Variants in HSDL2 observed in about 807,000 individuals in gnomAD.
HSDL2 encodes hydroxysteroid dehydrogenase like 2.
A neutral mutation model predicts 46.3 loss-of-function variants in HSDL2; 27 were observed. The observed-to-expected ratio is 0.58, with a 90% CI of 0.43 to 0.80. HSDL2 has a LOEUF of 0.80. HSDL2 is among the 30% of genes least tolerant of loss of function. The pLI, the probability that HSDL2 is intolerant of heterozygous loss-of-function variation, is 0.00. For synonymous variants in HSDL2, 153 were observed against 163.6 expected (o/e 0.94, Z 0.50); for missense variants, 451 against 502.7 (o/e 0.90, Z 0.98).
At chr9:112,440,548 A>G (rs577088842) in intron 7 of HSDL2, among the ~76,000 whole-genome samples, 3 of 152,146 alleles carry the variant, frequency 2.0e-5, no homozygotes, top group African/African-American at 7.2e-5. Context: ...CAGTTAACCT[A>G]TTTGCTAACC....
chr9:112,454,336 G>A (rs1318004438), intron 9 of HSDL2, among the ~76,000 whole-genome samples, 174 bp downstream of exon 9: 1 of 152,150 alleles, frequency 6.6e-6, no homozygotes, highest in South Asian at 2.1e-4. Context: ...TGTTTTTGTT[G>A]TTGTTGTGTC....
Position 112,393,150 on chromosome 9 carries a change from T to G in HSDL2, c.18-10845T>G, listed in dbSNP as rs1468250296. On this transcript the variant is annotated intron_variant, in intron 1 of 10. Coordinates refer to ENST00000398805, the MANE Select transcript of HSDL2 (RefSeq NM_032303.5). Reference sequence around the variant, plus strand: ...TACTACAGTGGAGCCCCCAATAGACTTAATCCAAGTCGTGGGGTTTAGTCC... The same window carrying G: ...TACTACAGTGGAGCCCCCAATAGACGTAATCCAAGTCGTGGGGTTTAGTCC... Among the ~76,000 whole-genome samples, 4 of 152,228 alleles carry G rather than the reference T, an allele frequency of 2.6e-5. No individual in the cohort carries two copies. The East Asian group carries it at 7.7e-4, about 29-fold the overall frequency.
chr9:112,384,320 T>A (rs777398908), intron 1 of HSDL2, among the ~76,000 whole-genome samples: 1 of 152,082 alleles, frequency 6.6e-6, no homozygotes, highest in Non-Finnish European at 1.5e-5. Context: ...TGCTCTTGCC[T>A]TCTATATTCT....
chr9:112,458,320 C>T (rs10981413), intron 9 of HSDL2, among the ~76,000 whole-genome samples: 11 of 119,612 alleles, frequency 9.2e-5, no homozygotes, highest in Non-Finnish European at 1.3e-4. Context: ...ACCACTTCTT[C>T]TTTTTTTTTT....
chr9:112,454,296 A>T, intron 9 of HSDL2, 134 bp downstream of exon 9: 1 of 642,452 alleles, frequency 1.6e-6, no homozygotes, highest in Non-Finnish European at 2.6e-6. Flanking sequence ...GAATGTAGAC[A>T]TTCAAGAACA....
Position 112,410,820 on chromosome 9 carries a change from T to C in HSDL2, c.395+1799T>C, listed in dbSNP as rs914456611. On this transcript the variant is annotated intron_variant, in intron 4 of 10. Transcript: ENST00000398805. ...CACACGTGCCTGTAGTCCCAGCTAC[T>C]TAGGAAGCTGAAGTGGGGGGATTGT... 3.6e-4 allele frequency among the ~76,000 whole-genome samples: 55 copies of C among 152,094 alleles called. 1 individual carries two copies. Among genetic ancestry groups the C allele is most frequent in the African/African-American group, 1.3e-3 (53 of 41,408 alleles).
At chr9:112,425,842 C>T (rs1009572902) in intron 6 of HSDL2, among the ~76,000 whole-genome samples, 2 of 152,060 alleles carry the variant, frequency 1.3e-5, no homozygotes, top group African/African-American at 4.8e-5. Context: ...ATCTTCCTGC[C>T]TCAACCTCCT....
In HSDL2 at chr9:112,409,030, G is replaced by T; in HGVS notation, c.395+9G>T. 1 of 1,487,504 alleles carries T rather than the reference G, an allele frequency of 6.7e-7. No homozygotes were observed. Among genetic ancestry groups the T allele is most frequent in the African/African-American group, 1.4e-5 (1 of 71,872 alleles). 92.1% of individuals were successfully genotyped at this position (1,487,504 alleles called of 1,614,324 possible). On this transcript the variant is annotated intron_variant, in intron 4 of 10. Transcript: ENST00000398805. The stretch of plus-strand genomic sequence containing the variant: ...AGAGGCACCTACCTTGCGTAAGTTT[G>T]CAAGAAGAGTTGTTGGGGAGGAAGT...
chr9:112,408,853 T>G, intron 3 of HSDL2, 54 bp from the exon 4 acceptor site: 7 of 945,840 alleles, frequency 7.4e-6, no homozygotes, highest in East Asian at 2.5e-5. Flanking sequence ...AACGCTTTTT[T>G]TGTGTGTGAT....
intron 1 of HSDL2, among the ~76,000 whole-genome samples, chr9:112,386,761 C>T (rs759414395): frequency 3.9e-5 from 6 of 152,016 alleles, no homozygotes; most frequent in South Asian, 2.1e-4. Context: ...CCAGCCTGGG[C>T]GACAAAGGGA....
rs751942317 is a variant in HSDL2 at position 112,457,074 on chromosome 9, G to A, written c.1016-2375G>A. ...GAGGCAGGAGAATCGCTTGAACCCC[G>A]GAGGCGGAGGTTGCGGTGAGCCCAG... On this transcript the variant is annotated intron_variant, in intron 9 of 10. Coordinates refer to ENST00000398805, the MANE Select transcript of HSDL2 (RefSeq NM_032303.5). Among the ~76,000 whole-genome samples the A allele has an allele frequency of 3.3e-5, 5 of 152,098 alleles. No homozygotes were observed. The South Asian group carries it at 6.2e-4, about 19-fold the overall frequency.
At chr9:112,388,147 A>C (rs1831256790) in intron 1 of HSDL2, among the ~76,000 whole-genome samples, 1 of 151,446 alleles carries the variant, frequency 6.6e-6, no homozygotes, top group Non-Finnish European at 1.5e-5. Flanking sequence ...TGACAGGGCA[A>C]GAGCCTGTCT....
At chr9:112,416,260 A>C (rs1587942177) in intron 4 of HSDL2, among the ~76,000 whole-genome samples, 1 of 151,876 alleles carries the variant, frequency 6.6e-6, no homozygotes, top group East Asian at 1.9e-4. Context: ...AAGAAAAAAA[A>C]AATTACAAAA....
intron 7 of HSDL2, among the ~76,000 whole-genome samples, chr9:112,438,996 G>A (rs1385932732): frequency 1.3e-5 from 2 of 152,052 alleles, no homozygotes; most frequent in Non-Finnish European, 2.9e-5. Context: ...ACAGTAGTGG[G>A]TTATGTATTT....
intron 3 of HSDL2, 97 bp downstream of exon 3, chr9:112,405,819 T>G (rs1331167211): frequency 1.3e-6 from 1 of 767,884 alleles, no homozygotes; most frequent in Non-Finnish European, 2.1e-6. Context: ...TTGAATTTTC[T>G]GAGTCTTTGG....
chr9:112,465,090 T>TA (rs58402087), intron 10 of HSDL2, among the ~76,000 whole-genome samples: 1 of 152,178 alleles, frequency 6.6e-6, no homozygotes. Flanking sequence ...CATAACCTTT[T>TA]AAAAAATAAA....
chr9:112,464,415 GTT>G (rs1833315552), intron 10 of HSDL2, among the ~76,000 whole-genome samples: 1 of 151,948 alleles, frequency 6.6e-6, no homozygotes, highest in African/African-American at 2.4e-5. Context: ...AAGTTGTTTT[GTT>G]TTGATCAAGT....
intron 1 of HSDL2, among the ~76,000 whole-genome samples, chr9:112,399,217 A>T (rs189608174): frequency 3.9e-5 from 6 of 152,354 alleles, no homozygotes; most frequent in African/African-American, 7.2e-5. Flanking sequence ...GGGTGACATC[A>T]CATATCGGTA....
intron 4 of HSDL2, among the ~76,000 whole-genome samples, 197 bp from the exon 5 acceptor site, chr9:112,416,644 T>C (rs1650917789): frequency 6.6e-6 from 1 of 150,716 alleles, no homozygotes; most frequent in Non-Finnish European, 1.5e-5. Context: ...TGCACACCTG[T>C]AGTTCCAGCT....
Sources: gnomAD v4.1 joint callset for allele counts (sites outside exome capture counted in the v4.1 genomes callset) on GRCh38, gnomAD v4.1.1 for gene constraint, MANE v1.5 for transcripts, NCBI Gene and HGNC (gene_info 2026-07-23, HGNC 2026-07-21) for gene names.